The following LSAMP variants were observed in gnomAD, a reference collection of about 807,000 sequenced individuals.
LSAMP encodes the protein limbic system associated membrane protein.
A neutral mutation model predicts 38.6 loss-of-function variants in LSAMP; 7 were observed. The observed-to-expected ratio is 0.18, with a 90% CI of 0.10 to 0.34. The LOEUF (loss-of-function observed/expected upper bound fraction) is 0.34. Ranked by LOEUF, LSAMP falls within the 10% of genes least tolerant of loss-of-function variation. The pLI, the probability that LSAMP is intolerant of heterozygous loss-of-function variation, is 1.00. For missense variants in LSAMP, 313 were observed against 420.0 expected, an observed-to-expected ratio of 0.75 and a Z score of 2.23; for synonymous variants, 154 against 166.8, an observed-to-expected ratio of 0.92 and a Z score of 0.59.
chr3:116,366,529 C>T (rs2048356290), intron 1 of LSAMP, among the ~76,000 whole-genome samples: 1 of 152,038 alleles, frequency 6.6e-6, no homozygotes, highest in Admixed American at 6.6e-5. Flanking sequence ...CAGTGTCCTC[C>T]CCATAGATAT....
At chr3:116,242,290 C>A (rs982059488) in intron 1 of LSAMP, among the ~76,000 whole-genome samples, 1 of 152,176 alleles carries the variant, frequency 6.6e-6, no homozygotes, top group East Asian at 1.9e-4. Context: ...TAAGCAGCCT[C>A]TTTTAATCAG....
intron 2 of LSAMP, among the ~76,000 whole-genome samples, chr3:116,079,216 T>A (rs1707817807): frequency 6.6e-6 from 1 of 152,214 alleles, no homozygotes; most frequent in African/African-American, 2.4e-5. Flanking sequence ...CTTTCCCAGA[T>A]GTTTTTCCCT....
At chr3:116,219,333 G>T (rs1251973028) in intron 1 of LSAMP, among the ~76,000 whole-genome samples, 1 of 152,108 alleles carries the variant, frequency 6.6e-6, no homozygotes, top group African/African-American at 2.4e-5. Flanking sequence ...ATGCCAAACT[G>T]TCTTTATCTG....
chr3:115,810,460 GC>G, intron 6 of LSAMP, 46 bp from the exon 7 acceptor site: 1 of 1,305,282 alleles, frequency 7.7e-7, no homozygotes, highest in Non-Finnish European at 1.1e-6. Context: ...AGTTACATGG[GC>G]CCACTGTATG....
At chr3:115,826,395 C>G (rs1233334606) in intron 6 of LSAMP, among the ~76,000 whole-genome samples, 1 of 152,090 alleles carries the variant, frequency 6.6e-6, no homozygotes, top group Non-Finnish European at 1.5e-5. Flanking sequence ...CATGAGCCAC[C>G]ACGCCTGGCC....
chr3:116,316,361 T>A (rs2047629281), intron 1 of LSAMP, among the ~76,000 whole-genome samples: 1 of 152,210 alleles, frequency 6.6e-6, no homozygotes. Flanking sequence ...TTCATCAAAG[T>A]ACCCTCCATG....
intron 1 of LSAMP, among the ~76,000 whole-genome samples, chr3:116,298,125 T>G (rs1576491109): frequency 6.6e-6 from 1 of 152,338 alleles, no homozygotes; most frequent in East Asian, 1.9e-4. Context: ...TATAAATCCA[T>G]CTAGCTATCC....
Position 115,805,215 on chromosome 3 carries a change from A to G in LSAMP, c.*5102T>C, listed in dbSNP as rs943129305. On this transcript the variant is annotated 3_prime_UTR_variant, in exon 7 of 7. Transcript: ENST00000490035. Reference sequence around the variant, plus strand: ...AGACAACTACAGCAACAGTTGGGACAATCTCCACTTAGATCCTGAAAGACC... The same window carrying G: ...AGACAACTACAGCAACAGTTGGGACGATCTCCACTTAGATCCTGAAAGACC... The G allele has an allele frequency of 6.6e-6, 1 of 152,224 alleles. No homozygotes were observed. The highest frequency in any genetic ancestry group is 1.5e-5 in the Non-Finnish European group (1 of 68,060). 9.4% of individuals were successfully genotyped at this position (152,224 alleles called of 1,614,324 possible).
intron 1 of LSAMP, among the ~76,000 whole-genome samples, chr3:116,261,348 A>C (rs1278284949): frequency 6.6e-6 from 1 of 152,142 alleles, no homozygotes; most frequent in Non-Finnish European, 1.5e-5. Flanking sequence ...TTACCTTATA[A>C]ATAGGAGCTA....
intron 3 of LSAMP, among the ~76,000 whole-genome samples, chr3:115,977,415 A>T (rs929628941): frequency 6.6e-6 from 1 of 152,146 alleles, no homozygotes; most frequent in Admixed American, 6.5e-5. Context: ...CAAATCACAG[A>T]ATCTAGGATC....
Position 116,445,423 on chromosome 3 carries a change from C to T in LSAMP, c.-392G>A. 1 of 208,774 alleles carries T rather than the reference C, an allele frequency of 4.8e-6. No homozygotes were observed. Among genetic ancestry groups the T allele is most frequent in the South Asian group, 8.5e-5 (1 of 11,826 alleles). 12.9% of individuals were successfully genotyped at this position (208,774 alleles called of 1,614,324 possible). On this transcript the variant is annotated 5_prime_UTR_variant, in exon 1 of 7. Transcript: ENST00000490035. ...TCTGTAACCCACTTTCCCAGGCTGG[C>T]GGGCGGGCGGGCGAGGGAGCCGGCA...
chr3:116,372,467 G>C (rs1462178126), intron 1 of LSAMP, among the ~76,000 whole-genome samples: 1 of 151,794 alleles, frequency 6.6e-6, no homozygotes, highest in Non-Finnish European at 1.5e-5. Flanking sequence ...AAAACTCTTA[G>C]AGAAAGACAG....
intron 1 of LSAMP, among the ~76,000 whole-genome samples, chr3:116,231,105 C>A (rs1021395814): frequency 6.6e-6 from 1 of 152,152 alleles, no homozygotes; most frequent in Non-Finnish European, 1.5e-5. Context: ...AACATGAACG[C>A]CCATGTTTGT....
intron 1 of LSAMP, among the ~76,000 whole-genome samples, chr3:116,202,711 A>G (rs1242642331): frequency 6.6e-6 from 1 of 152,134 alleles, no homozygotes; most frequent in Admixed American, 6.5e-5. Context: ...AGTGTGAGCC[A>G]CCATACCCAA....
intron 1 of LSAMP, among the ~76,000 whole-genome samples, chr3:116,099,685 C>T (rs918241018): frequency 7.9e-5 from 12 of 152,102 alleles, no homozygotes; most frequent in Non-Finnish European, 1.5e-4. Context: ...CCTATGTAAC[C>T]TCTTCAAAGC....
At position 116,371,854 on chromosome 3, in the gene LSAMP, C is replaced by T. The variant is rs114558435; in HGVS notation, c.155+73023G>A. 5.8e-4 allele frequency among the ~76,000 whole-genome samples: 88 copies of T among 151,988 alleles called. No homozygotes were observed. The Middle Eastern group carries it at 0.017, about 29-fold the overall frequency. ...TCAGCAAAGTAGTACACAAAATCAACGCACAAAATCAGTTACATTTCTATA... is the reference window on the plus strand; with the variant it reads ...TCAGCAAAGTAGTACACAAAATCAATGCACAAAATCAGTTACATTTCTATA... On this transcript the variant is annotated intron_variant, in intron 1 of 6. Transcript: ENST00000490035.
intron 1 of LSAMP, among the ~76,000 whole-genome samples, chr3:116,163,365 G>A (rs1442415619): frequency 6.6e-6 from 1 of 151,298 alleles, no homozygotes; most frequent in Non-Finnish European, 1.5e-5. Context: ...TGAGAATGAT[G>A]GTTTCCAGCT....
intron 2 of LSAMP, among the ~76,000 whole-genome samples, chr3:116,068,282 G>C (rs1707509459): frequency 6.6e-6 from 1 of 152,104 alleles, no homozygotes; most frequent in African/African-American, 2.4e-5. Context: ...ATCCAGAAGA[G>C]TAATTTTAAA....
chr3:116,299,139 T>C (rs1367759542), intron 1 of LSAMP, among the ~76,000 whole-genome samples: 3 of 152,200 alleles, frequency 2.0e-5, no homozygotes, highest in Non-Finnish European at 4.4e-5. Context: ...GCCCTTTCAA[T>C]GTCCCTAGAC....
Sources: gnomAD v4.1 joint callset for allele counts (sites outside exome capture counted in the v4.1 genomes callset) on GRCh38, gnomAD v4.1.1 for gene constraint, MANE v1.5 for transcripts, NCBI Gene and HGNC (gene_info 2026-07-23, HGNC 2026-07-21) for gene names.